DCLK2: variants seen among roughly 807,000 people sequenced by gnomAD.
DCLK2 encodes doublecortin like kinase 2, also known as serine/threonine-protein kinase DCLK2.
A neutral mutation model predicts 78.4 loss-of-function variants in DCLK2; 31 were observed. That is an observed-to-expected ratio of 0.40 (90% CI 0.30 to 0.53). The LOEUF is 0.53. Ranked by LOEUF, DCLK2 falls within the 20% of genes least tolerant of loss-of-function variation. DCLK2 has a pLI of 0.61. For missense variants in DCLK2, 872 were observed against 973.7 expected, an observed-to-expected ratio of 0.90 and a Z score of 1.39; for synonymous variants, 407 against 374.9, an observed-to-expected ratio of 1.09 and a Z score of -0.99.
chr4:150,213,010 G>A (rs1160070443), intron 5 of DCLK2, among the ~76,000 whole-genome samples: 1 of 152,178 alleles, frequency 6.6e-6, no homozygotes, highest in Non-Finnish European at 1.5e-5. Flanking sequence ...ACCTCACAGT[G>A]AAAGCATGCA....
chr4:150,162,979 G>T (rs1340330228), intron 2 of DCLK2, among the ~76,000 whole-genome samples: 1 of 152,154 alleles, frequency 6.6e-6, no homozygotes, highest in African/African-American at 2.4e-5. Context: ...CTAACGAATT[G>T]TTGGTACTGA....
intron 5 of DCLK2, among the ~76,000 whole-genome samples, chr4:150,205,174 G>T (rs1016932724): frequency 3.9e-5 from 6 of 152,206 alleles, no homozygotes; most frequent in Admixed American, 6.5e-5. Flanking sequence ...ACCCTTGCAT[G>T]AGTGAGGAGT....
At chr4:150,223,295 C>T (rs1254610366) in intron 7 of DCLK2, among the ~76,000 whole-genome samples, 1 of 152,188 alleles carries the variant, frequency 6.6e-6, no homozygotes, top group Non-Finnish European at 1.5e-5. Context: ...CAAGCCAGGC[C>T]TCATGAGTGT....
At position 150,079,135 on chromosome 4, in the gene DCLK2, C is replaced by T. The variant is rs1729041696; in HGVS notation, c.108C>T (p.Ser36=). ...GAPSSSGGSS[S]SGPKGNGLIP... ...CCAGCTCCTCCGGGGGCAGCAGCAG[C>T]TCGGGCCCCAAGGGGAACGGGCTCA... is the stretch of plus-strand genomic sequence containing the variant. The change falls in exon 1 of 16, where the codon AGC becomes AGT. Residue 36 remains serine, a synonymous_variant. Transcript: ENST00000296550. The T allele has an allele frequency of 6.3e-6, 10 of 1,589,768 alleles. No individual in the cohort carries two copies. Among genetic ancestry groups the T allele is most frequent in the Non-Finnish European group, 8.6e-6 (10 of 1,168,734 alleles).
intron 1 of DCLK2, among the ~76,000 whole-genome samples, chr4:150,093,554 G>A (rs1730247286): frequency 6.6e-6 from 1 of 152,120 alleles, no homozygotes; most frequent in Admixed American, 6.5e-5. Context: ...GCTAATTTTT[G>A]TATTTTTAGT....
intron 2 of DCLK2, among the ~76,000 whole-genome samples, chr4:150,171,436 G>A (rs1339684235): frequency 3.3e-5 from 5 of 152,126 alleles, no homozygotes; most frequent in East Asian, 3.9e-4. Flanking sequence ...AGCAGATATC[G>A]CGCCACTGCA....
At chr4:150,131,763 T>C (rs1451807272) in intron 2 of DCLK2, among the ~76,000 whole-genome samples, 1 of 152,134 alleles carries the variant, frequency 6.6e-6, no homozygotes, top group African/African-American at 2.4e-5. Context: ...TGTTGCATCT[T>C]GGCAGGTCCC....
intron 2 of DCLK2, among the ~76,000 whole-genome samples, chr4:150,164,075 C>T (rs1735894994): frequency 6.6e-6 from 1 of 152,232 alleles, no homozygotes; most frequent in African/African-American, 2.4e-5. Flanking sequence ...CAGCCTAACA[C>T]AGCCCATTTT....
rs1744580091 is a variant in DCLK2, at chr4:150,256,503, C to A, written c.*256C>A. The A allele has an allele frequency of 1.1e-5, 5 of 448,350 alleles. No homozygotes were observed. 27.8% of individuals were successfully genotyped at this position (448,350 alleles called of 1,614,324 possible). On this transcript the variant is annotated 3_prime_UTR_variant, in exon 16 of 16. Coordinates refer to ENST00000296550, the MANE Select transcript of DCLK2 (RefSeq NM_001040260.4). ...AACAGCTGTTCGGAGAGACTCGTTCCAGATCATCCCGTCATTTTCAGTTTG... is the reference window on the plus strand; with the variant it reads ...AACAGCTGTTCGGAGAGACTCGTTCAAGATCATCCCGTCATTTTCAGTTTG...
chr4:150,185,346 G>A (rs1165817441), intron 2 of DCLK2, among the ~76,000 whole-genome samples: 1 of 152,074 alleles, frequency 6.6e-6, no homozygotes, highest in African/African-American at 2.4e-5. Flanking sequence ...CAACGCGTGG[G>A]GATTACAGTT....
At position 150,181,775 on chromosome 4, in the gene DCLK2, G is replaced by A. The variant is rs542424651; in HGVS notation, c.757-11363G>A. On this transcript the variant is annotated intron_variant, in intron 2 of 15. Coordinates refer to ENST00000296550, the MANE Select transcript of DCLK2 (RefSeq NM_001040260.4). The stretch of plus-strand genomic sequence containing the variant: ...GCCTGGCTGAATGAATTTACAGGAA[G>A]CTGAAAAACATTGCTATTCTAAGTA... 2.0e-5 allele frequency among the ~76,000 whole-genome samples: 3 copies of A among 152,216 alleles called. No individual in the cohort carries two copies. In the South Asian group the frequency reaches 6.2e-4, roughly 32 times the overall value.
chr4:150,098,725 C>T (rs1730656709), intron 1 of DCLK2, among the ~76,000 whole-genome samples: 1 of 138,320 alleles, frequency 7.2e-6, no homozygotes. Context: ...GGCAGAGTCT[C>T]ATTCTTGTCA....
At chr4:150,205,203 G>T (rs1739762987) in intron 5 of DCLK2, among the ~76,000 whole-genome samples, 1 of 152,126 alleles carries the variant, frequency 6.6e-6, no homozygotes, top group Non-Finnish European at 1.5e-5. Context: ...GCCAAGCCCA[G>T]CCTCTGACAC....
chr4:150,168,492 G>A (rs1736270642), intron 2 of DCLK2, among the ~76,000 whole-genome samples: 1 of 152,034 alleles, frequency 6.6e-6, no homozygotes, highest in Non-Finnish European at 1.5e-5. Context: ...TCCAAAACTT[G>A]CCTTGGTCTC....
intron 2 of DCLK2, among the ~76,000 whole-genome samples, chr4:150,119,240 A>G (rs1437091651): frequency 6.6e-6 from 1 of 152,104 alleles, no homozygotes; most frequent in East Asian, 1.9e-4. Context: ...TAGATATACC[A>G]TGATTTATTC....
At chr4:150,125,372 G>T (rs575443160) in intron 2 of DCLK2, among the ~76,000 whole-genome samples, 1 of 151,934 alleles carries the variant, frequency 6.6e-6, no homozygotes, top group Non-Finnish European at 1.5e-5. Context: ...AATAGACTTG[G>T]CTCTGACTAG....
intron 1 of DCLK2, among the ~76,000 whole-genome samples, chr4:150,091,630 G>A (rs60522988): frequency 0.02 from 3,065 of 152,204 alleles, 108 homozygotes; most frequent in African/African-American, 0.069. Flanking sequence ...AGTTGTGTTA[G>A]GCAGTTACTG....
chr4:150,189,948 A>C (rs934606426), intron 2 of DCLK2, among the ~76,000 whole-genome samples: 11 of 150,360 alleles, frequency 7.3e-5, no homozygotes, highest in African/African-American at 2.5e-4. Flanking sequence ...TTGGGAAGCC[A>C]AGACAGGAGG....
chr4:150,215,652 G>A, intron 5 of DCLK2, among the ~76,000 whole-genome samples: 1 of 152,188 alleles, frequency 6.6e-6, no homozygotes, highest in East Asian at 1.9e-4. Context: ...CTATCCAGAA[G>A]CGTTCCTAAC....
Sources: gnomAD v4.1 joint callset for allele counts (sites outside exome capture counted in the v4.1 genomes callset) on GRCh38, gnomAD v4.1.1 for gene constraint, MANE v1.5 for transcripts, NCBI Gene and HGNC (gene_info 2026-07-23, HGNC 2026-07-21) for gene names.